DIS3L: variants seen among roughly 807,000 people sequenced by gnomAD.
The protein encoded by DIS3L is DIS3-like exonuclease 1.
In DIS3L, 100 loss-of-function variants were observed where a neutral mutation model predicts 120.3. The observed-to-expected ratio is 0.83, with a 90% CI of 0.71 to 0.98. The LOEUF (loss-of-function observed/expected upper bound fraction) is 0.98. Among genes scored for constraint, DIS3L ranks in the 50% least tolerant of loss-of-function variants. The probability of loss-of-function intolerance (pLI) is 0.00; values close to 1 mark genes in which losing one functional copy is unlikely to be tolerated. For synonymous variants in DIS3L, 426 were observed against 470.6 expected (o/e 0.91, Z 1.23); for missense variants, 1,196 against 1,314.2 (o/e 0.91, Z 1.39).
In DIS3L at chr15:66,326,359, T is replaced by TA; in HGVS notation, c.2197dup (p.Thr733AsnfsTer5). ...CTAAAGCCAAAGGCTTCTTCATAGA[T>TA]ACACGGTATTCCTCTTTTGAGGGGG... On this transcript the variant is annotated frameshift_variant, in exon 12 of 17. Coordinates refer to ENST00000319212, the MANE Select transcript of DIS3L (RefSeq NM_001143688.3). LOFTEE classifies it high-confidence loss of function. 3.7e-6 allele frequency: 6 copies of TA among 1,613,602 alleles called. No homozygotes were observed. The highest frequency in any genetic ancestry group is 5.1e-6 in the Non-Finnish European group (6 of 1,179,754).
At chr15:66,323,925 T>C (rs1363654029) in intron 11 of DIS3L, among the ~76,000 whole-genome samples, 3 of 152,228 alleles carry the variant, frequency 2.0e-5, no homozygotes, top group African/African-American at 7.2e-5. Context: ...TTGTTTGGCA[T>C]GAGGATCATG....
chr15:66,300,779 C>G (rs1379315926), intron 2 of DIS3L, among the ~76,000 whole-genome samples: 1 of 151,976 alleles, frequency 6.6e-6, no homozygotes, highest in Non-Finnish European at 1.5e-5. Context: ...GAGTCAAGGT[C>G]GAGAGTTTGA....
rs1052972741 is a variant in DIS3L at position 66,315,065 on chromosome 15, A to G, written c.844A>G (p.Met282Val). ...AGTCAGTGACATCCTAATCCACGGG[A>G]TGAAGGCTCGAAACCGCTCAATTCA... ...DLVSDILIHG[M>V]KARNRSIHGD... is the part of the protein sequence containing the mutation. The change falls in exon 7 of 17, where the codon ATG becomes GTG. Residue 282 changes from methionine (M) to valine (V), a missense_variant. By Grantham distance (21) the Met-to-Val change is conservative. Transcript: ENST00000319212. 2.2e-5 allele frequency: 36 copies of G among 1,614,010 alleles called. No individual in the cohort carries two copies. The highest frequency in any genetic ancestry group is 3.1e-5 in the Non-Finnish European group (36 of 1,179,992).
At chr15:66,294,292 A>C in intron 1 of DIS3L, 1 of 985,420 alleles carries the variant, frequency 1.0e-6, no homozygotes, top group Non-Finnish European at 1.2e-6. Flanking sequence ...GGGAAGTTGG[A>C]CTGGGGACTC....
intron 2 of DIS3L, among the ~76,000 whole-genome samples, chr15:66,300,697 A>G (rs1370465019): frequency 2.0e-5 from 3 of 152,142 alleles, no homozygotes; most frequent in African/African-American, 7.2e-5. Context: ...TAGGGTCAAG[A>G]GTATCACTGA....
chr15:66,333,105 T>C lies in DIS3L; in HGVS notation c.2958T>C (p.His986=), dbSNP rs749226965. 4 of 1,613,320 alleles carry C rather than the reference T, an allele frequency of 2.5e-6. No individual in the cohort carries two copies. The highest frequency in any genetic ancestry group is 2.5e-6 in the Non-Finnish European group (3 of 1,180,036). The change falls in exon 17 of 17, where the codon CAT becomes CAC. Residue 986 remains histidine, a synonymous_variant. Coordinates refer to ENST00000319212, the MANE Select transcript of DIS3L (RefSeq NM_001143688.3). ...AGATACCAAATACAGAACTTATTCA[T>C]CAGAGTTCCCCCTTGCTGAAGAGTG... is the stretch of plus-strand genomic sequence containing the variant. The part of the protein sequence containing the change: ...PYKIPNTELI[H]QSSPLLKSEL...
chr15:66,326,173 C>T lies in DIS3L; in HGVS notation c.2010C>T (p.Ile670=), dbSNP rs765146518. 3.7e-6 allele frequency: 6 copies of T among 1,614,062 alleles called. No individual in the cohort carries two copies. Among genetic ancestry groups the T allele is most frequent in the Admixed American group, 1.7e-5 (1 of 60,004 alleles). Residue 670 remains isoleucine (I), a synonymous_variant, in exon 12 of 17, where the codon ATC becomes ATT. Coordinates refer to ENST00000319212, the MANE Select transcript of DIS3L (RefSeq NM_001143688.3). ...LDDKKNIHDL[I]PKQPLEVHET... ...ACAAAAAGAACATTCACGACCTCAT[C>T]CCCAAGCAGCCCCTGGAAGTCCACG...
Position 66,293,743 on chromosome 15 carries a change from C to T in DIS3L, c.139+8C>T, listed in dbSNP as rs2092549410. 7.4e-6 allele frequency: 9 copies of T among 1,211,936 alleles called. No homozygotes were observed. The South Asian group carries it at 1.7e-4, about 23-fold the overall frequency. 75.1% of individuals were successfully genotyped at this position (1,211,936 alleles called of 1,614,324 possible). ...CCGCCGCCTGCAGCCACGGTCAGGG[C>T]CGGGGCGGGGGCGGGGACGGGGCCG... On this transcript the variant is annotated splice_region_variant and intron_variant, in intron 1 of 16. Transcript: ENST00000319212.
At position 66,333,043 on chromosome 15, in the gene DIS3L, AC is replaced by A; in HGVS notation, c.2897del (p.Thr966LysfsTer6). 1 of 1,613,276 alleles carries A rather than the reference AC, an allele frequency of 6.2e-7. No individual in the cohort carries two copies. The highest frequency in any genetic ancestry group is 1.1e-5 in the South Asian group (1 of 91,026). Reference sequence around the variant, plus strand: ...ACAGGCCTCACGTTGCCATTCTGATACAATCAGACTTGAAATAATTAGTAAC... The same window carrying A: ...ACAGGCCTCACGTTGCCATTCTGATAAATCAGACTTGAAATAATTAGTAAC... ...SIQASRCHSD[T>X]IRLEIISNKP... is the part of the protein sequence containing the mutation. On this transcript the variant is annotated frameshift_variant, in exon 17 of 17. Coordinates refer to ENST00000319212, the MANE Select transcript of DIS3L (RefSeq NM_001143688.3). LOFTEE classifies it high-confidence loss of function.
rs2092545964 is a variant in DIS3L at position 66,293,596 on chromosome 15, C to T, written c.-1C>T. ...CCGCGGCCGCCGGGAGACACGCCGC[C>T]ATGCTGCAGAAGCGGGAGAAGGTGC... On this transcript the variant is annotated 5_prime_UTR_variant, in exon 1 of 17. Coordinates refer to ENST00000319212, the MANE Select transcript of DIS3L (RefSeq NM_001143688.3). The T allele has an allele frequency of 1.4e-6, 2 of 1,434,564 alleles. No homozygotes were observed. Among genetic ancestry groups the T allele is most frequent in the African/African-American group, 1.5e-5 (1 of 67,154 alleles). 88.9% of individuals were successfully genotyped at this position (1,434,564 alleles called of 1,614,324 possible).
At chr15:66,294,078 C>G (rs1305492737) in intron 1 of DIS3L, 8 of 986,036 alleles carry the variant, frequency 8.1e-6, no homozygotes, top group South Asian at 4.7e-5. Context: ...AACCTCGCGC[C>G]GTGGAGAAAT....
chr15:66,315,185 G>C lies in DIS3L; in HGVS notation c.964G>C (p.Gly322Arg), dbSNP rs2092804829. ...CENDCDDKAS[G>R]ESPSEPMPTG... The stretch of plus-strand genomic sequence containing the variant: ...GAATGACTGTGACGACAAGGCTTCG[G>C]GCGAGTCCCCAAGTGAGCCCATGCC... The change falls in exon 7 of 17, where the codon GGC (glycine) becomes CGC (arginine). Residue 322 changes from glycine (G) to arginine (R), a missense_variant. By Grantham distance (125) the Gly-to-Arg change is moderately radical (BLOSUM62 -2). Coordinates refer to ENST00000319212, the MANE Select transcript of DIS3L (RefSeq NM_001143688.3). The C allele has an allele frequency of 6.2e-7, 1 of 1,613,674 alleles. No individual in the cohort carries two copies. The highest frequency in any genetic ancestry group is 8.5e-7 in the Non-Finnish European group (1 of 1,179,836).
intron 12 of DIS3L, among the ~76,000 whole-genome samples, chr15:66,327,887 T>A (rs1486686307): frequency 6.6e-6 from 1 of 151,914 alleles, no homozygotes; most frequent in East Asian, 1.9e-4. Flanking sequence ...ATGATGAAAC[T>A]CTCTCTGCTA....
Position 66,322,903 on chromosome 15 carries a change from A to G in DIS3L, c.1543A>G (p.Asn515Asp). 6.2e-7 allele frequency: 1 copy of G among 1,614,184 alleles called. No individual in the cohort carries two copies. Among genetic ancestry groups the G allele is most frequent in the Non-Finnish European group, 8.5e-7 (1 of 1,180,022 alleles). ...AGATGTAACACACTTTGTGGCACCA[A>G]ATTCTTACATTGATATTGAAGCTAG... Reference protein sequence around the residue: ...IADVTHFVAPNSYIDIEARTR... With the variant: ...IADVTHFVAPDSYIDIEARTR... Residue 515 changes from asparagine to aspartate, a missense_variant, in exon 10 of 17, where the codon AAT becomes GAT. Coordinates refer to ENST00000319212, the MANE Select transcript of DIS3L (RefSeq NM_001143688.3).
At chr15:66,319,805 A>G (rs1382616649) in intron 8 of DIS3L, among the ~76,000 whole-genome samples, 1 of 152,062 alleles carries the variant, frequency 6.6e-6, no homozygotes. Context: ...CTTCTCCACC[A>G]AAGACCATCT....
At chr15:66,327,047 A>G (rs1221499705) in intron 12 of DIS3L, among the ~76,000 whole-genome samples, 2 of 151,572 alleles carry the variant, frequency 1.3e-5, no homozygotes, top group Admixed American at 1.3e-4. Flanking sequence ...CTCTTGACTC[A>G]GCCTCCTGAG....
chr15:66,304,727 C>G (rs988101986), intron 2 of DIS3L, among the ~76,000 whole-genome samples: 1 of 151,480 alleles, frequency 6.6e-6, no homozygotes, highest in Non-Finnish European at 1.5e-5. Flanking sequence ...ATGGTGAAAC[C>G]CCGTCTCTAC....
At chr15:66,293,542 G>A, upstream of DIS3L, 3 of 1,351,690 alleles carry the variant, frequency 2.2e-6, no homozygotes, top group Non-Finnish European at 9.5e-7. Flanking sequence ...GTCCGAGGCC[G>A]CGGCCTTGCC....
At chr15:66,332,538 A>C (rs538491629) in intron 15 of DIS3L, among the ~76,000 whole-genome samples, 198 bp from the exon 16 acceptor site, 4 of 140,362 alleles carry the variant, frequency 2.8e-5, no homozygotes, top group African/African-American at 1.0e-4. Context: ...ACACACTTCT[A>C]TATCCATTTT....
Sources: gnomAD v4.1 joint callset for allele counts (sites outside exome capture counted in the v4.1 genomes callset) on GRCh38, gnomAD v4.1.1 for gene constraint, MANE v1.5 for transcripts, NCBI Gene and HGNC (gene_info 2026-07-23, HGNC 2026-07-21) for gene names.